SIAE: variants seen among roughly 807,000 people sequenced by gnomAD.
SIAE encodes the protein sialic acid acetylesterase, also known as sialate O-acetylesterase.
A neutral mutation model predicts 52.6 loss-of-function variants in SIAE; 39 were observed. The ratio of observed to expected loss-of-function variants is 0.74; its 90% CI spans 0.57 to 0.97. The LOEUF is 0.97. SIAE is among the 50% of genes least tolerant of loss of function. The pLI is 0.00. For missense variants in SIAE, 592 were observed against 662.1 expected (o/e 0.89, Z 1.16); for synonymous variants, 233 against 241.4 (o/e 0.97, Z 0.32).
rs1942726379 is a variant in SIAE at position 124,635,921 on chromosome 11, CTT to C, written c.*1028_*1029del. 1 of 152,156 alleles carries C rather than the reference CTT, an allele frequency of 6.6e-6. No individual in the cohort carries two copies. Among genetic ancestry groups the C allele is most frequent in the South Asian group, 2.1e-4 (1 of 4,818 alleles). The allele number at this position is 152,156 out of a possible 1,614,324, so 9.4% of individuals were successfully genotyped here. ...CTTAATAAACAAACACTGAAGGCCT[CTT>C]TCATATTTGTATCATCTGCATTTTT... is the stretch of plus-strand genomic sequence containing the variant. On this transcript the variant is annotated 3_prime_UTR_variant, in exon 10 of 10. Transcript: ENST00000263593.
chr11:124,675,774 T>C (rs1322643385), upstream of SIAE: 1 of 167,776 alleles, frequency 6.0e-6, no homozygotes, highest in African/African-American at 2.4e-5. Context: ...TTCCTATGCA[T>C]CCCTGGCAGC....
intron 8 of SIAE, among the ~76,000 whole-genome samples, chr11:124,639,270 C>A (rs1337216642): frequency 2.6e-5 from 4 of 152,186 alleles, no homozygotes; most frequent in African/African-American, 9.7e-5. Flanking sequence ...CAGTATTCCT[C>A]CTGTGAGGCC....
rs188827953 is a variant in SIAE, at chr11:124,648,382, G to A, written c.723-207C>T. 1.5e-3 allele frequency among the ~76,000 whole-genome samples: 233 copies of A among 152,064 alleles called. No individual in the cohort carries two copies. In the South Asian group the frequency reaches 0.019, roughly 12 times the overall value. ...AGGTTATTCCCAAAATAAGTGTATC[G>A]GTCAGCTTTCTATGGTAATTAAAGG... On this transcript the variant is annotated intron_variant, in intron 5 of 9. Transcript: ENST00000263593.
chr11:124,663,994 T>C (rs1192705300), intron 2 of SIAE, among the ~76,000 whole-genome samples: 1 of 152,342 alleles, frequency 6.6e-6, no homozygotes, highest in South Asian at 2.1e-4. Context: ...CAGGTTTCTG[T>C]AAATTCTCAC....
At chr11:124,648,326 A>G (rs1011130716) in intron 5 of SIAE, 151 bp from the exon 6 acceptor site, 1 of 678,198 alleles carries the variant, frequency 1.5e-6, no homozygotes, top group African/African-American at 1.8e-5. Context: ...TTTTCTTGAA[A>G]ACATATGAAT....
intron 7 of SIAE, among the ~76,000 whole-genome samples, chr11:124,641,090 TGAG>T (rs924106272): frequency 2.6e-5 from 4 of 151,892 alleles, no homozygotes; most frequent in Middle Eastern, 3.4e-3. Flanking sequence ...ACAGCTTTGT[TGAG>T]GAGGACAGAC....
intron 4 of SIAE, among the ~76,000 whole-genome samples, chr11:124,653,366 C>T (rs1374487065): frequency 2.0e-5 from 3 of 151,924 alleles, no homozygotes; most frequent in Non-Finnish European, 4.4e-5. Context: ...GGAAAGCATG[C>T]ACAGGAGAAA....
chr11:124,640,155 G>A (rs1052139509), intron 7 of SIAE, among the ~76,000 whole-genome samples: 1 of 152,240 alleles, frequency 6.6e-6, no homozygotes, highest in Admixed American at 6.5e-5. Flanking sequence ...TAGAATGCAG[G>A]AGAATTGATG....
chr11:124,633,813 A>G lies in SIAE; in HGVS notation c.*3138T>C, dbSNP rs1405168448. On this transcript the variant is annotated 3_prime_UTR_variant, in exon 10 of 10. Coordinates refer to ENST00000263593, the MANE Select transcript of SIAE (RefSeq NM_170601.5). ...ACTGGCATTTACACAGAAATGATAT[A>G]TGCTGCTTTTATCATATAACAAATA... 1 of 152,210 alleles carries G rather than the reference A, an allele frequency of 6.6e-6. No homozygotes were observed. Among genetic ancestry groups the G allele is most frequent in the Admixed American group, 6.5e-5 (1 of 15,280 alleles). The allele number at this position is 152,210 out of a possible 1,614,324, so 9.4% of individuals were successfully genotyped here.
chr11:124,648,607 C>T (rs1942974264), intron 5 of SIAE, among the ~76,000 whole-genome samples: 1 of 152,172 alleles, frequency 6.6e-6, no homozygotes, highest in South Asian at 2.1e-4. Flanking sequence ...TCATTGCATA[C>T]ATGCTTAACT....
Position 124,660,624 on chromosome 11 carries a change from T to C in SIAE, c.405+4A>G. On this transcript the variant is annotated splice_donor_region_variant and intron_variant, in intron 3 of 9. Coordinates refer to ENST00000263593, the MANE Select transcript of SIAE (RefSeq NM_170601.5). Reference sequence around the variant, plus strand: ...TGTATTATTGCTGAGACTCTGCAAATTACCTGTAACACAGTCATCTGCATG... The same window carrying C: ...TGTATTATTGCTGAGACTCTGCAAACTACCTGTAACACAGTCATCTGCATG... The C allele has an allele frequency of 2.5e-6, 4 of 1,614,078 alleles. No individual in the cohort carries two copies. The highest frequency in any genetic ancestry group is 1.3e-5 in the African/African-American group (1 of 75,052).
chr11:124,671,646 G>A (rs886165114), intron 1 of SIAE, among the ~76,000 whole-genome samples: 3 of 152,104 alleles, frequency 2.0e-5, no homozygotes, highest in African/African-American at 7.2e-5. Flanking sequence ...AGTAGACAGT[G>A]GAACATCAAG....
At chr11:124,663,401 C>T (rs1025885711) in intron 2 of SIAE, among the ~76,000 whole-genome samples, 4 of 152,178 alleles carry the variant, frequency 2.6e-5, no homozygotes, top group Admixed American at 6.5e-5. Flanking sequence ...AAGGTGAAAC[C>T]CTGTCTCTAC....
upstream of SIAE, chr11:124,675,240 T>C: frequency 6.2e-7 from 1 of 1,605,718 alleles, no homozygotes. Context: ...ATCTTTAGGT[T>C]CCATAGGCAG....
rs1008416457 is a variant in SIAE at position 124,635,353 on chromosome 11, A to C, written c.*1598T>G. The stretch of plus-strand genomic sequence containing the variant: ...CCAACGTTCCTTGTAAAGTGTGTAG[A>C]TTTTTTGTTTTTTAACTAAATAAAA... On this transcript the variant is annotated 3_prime_UTR_variant, in exon 10 of 10. Coordinates refer to ENST00000263593, the MANE Select transcript of SIAE (RefSeq NM_170601.5). 6.6e-6 allele frequency: 1 copy of C among 152,152 alleles called. No individual in the cohort carries two copies. The highest frequency in any genetic ancestry group is 2.4e-5 in the African/African-American group (1 of 41,428). 9.4% of individuals were successfully genotyped at this position (152,152 alleles called of 1,614,324 possible).
chr11:124,639,768 G>A lies in SIAE; in HGVS notation c.1066C>T (p.Pro356Ser). Residue 356 changes from proline (P) to serine (S), a missense_variant, in exon 8 of 10, where the codon CCC becomes TCC. Physicochemically the swap from Pro to Ser is moderately conservative, Grantham distance 74 (BLOSUM62 -1). Transcript: ENST00000263593. ...ATAGCTACAGCCATGAAAGTATTGG[G>A]CATCTTTGGGTTGGGGACATAGCCG... ...DFGYVPNPKMPNTFMAVAMDL... is the reference protein window; with the variant it reads ...DFGYVPNPKMSNTFMAVAMDL... 4 of 1,614,172 alleles carry A rather than the reference G, an allele frequency of 2.5e-6. No homozygotes were observed. The South Asian group carries it at 4.4e-5, about 18-fold the overall frequency.
intron 7 of SIAE, 108 bp downstream of exon 7, chr11:124,647,257 G>A: frequency 1.4e-6 from 2 of 1,473,066 alleles, no homozygotes; most frequent in Non-Finnish European, 1.9e-6. Context: ...ATGAAATCCA[G>A]GAAAGAGATC....
intron 4 of SIAE, among the ~76,000 whole-genome samples, chr11:124,650,416 G>C (rs977721984): frequency 6.6e-6 from 1 of 152,104 alleles, no homozygotes; most frequent in African/African-American, 2.4e-5. Flanking sequence ...GCAAGGAGGG[G>C]GCAACTTAAG....
At position 124,636,456 on chromosome 11, in the gene SIAE, G is replaced by GA. The variant is rs1362385842; in HGVS notation, c.*494dup. 6.1e-6 allele frequency: 1 copy of GA among 163,356 alleles called. No homozygotes were observed. Among genetic ancestry groups the GA allele is most frequent in the Non-Finnish European group, 1.4e-5 (1 of 73,312 alleles). 10.1% of individuals were successfully genotyped at this position (163,356 alleles called of 1,614,324 possible). On this transcript the variant is annotated 3_prime_UTR_variant, in exon 10 of 10. Coordinates refer to ENST00000263593, the MANE Select transcript of SIAE (RefSeq NM_170601.5). Reference sequence around the variant, plus strand: ...AACCACCTGTCAGGAATTTTGTAAAGACGTCTACGGCCATATCACCCTGAA... The same window carrying GA: ...AACCACCTGTCAGGAATTTTGTAAAGAACGTCTACGGCCATATCACCCTGAA...
Sources: allele counts gnomAD v4.1 joint callset (sites outside exome capture counted in the v4.1 genomes callset), GRCh38; gene constraint gnomAD v4.1.1; transcripts MANE v1.5; gene names NCBI Gene and HGNC (gene_info 2026-07-23, HGNC 2026-07-21).